Variants in WNT5B observed in about 807,000 individuals in gnomAD.
WNT5B encodes the protein protein Wnt-5b.
Under a neutral mutation model 36.5 loss-of-function variants are expected in WNT5B, and 18 were observed. The ratio of observed to expected loss-of-function variants is 0.49; its 90% CI spans 0.34 to 0.73. WNT5B has a LOEUF of 0.73. Among genes scored for constraint, WNT5B ranks in the 30% least tolerant of loss-of-function variants. The probability of loss-of-function intolerance (pLI) is 0.01; values close to 1 mark genes in which losing one functional copy is unlikely to be tolerated. For synonymous variants in WNT5B, 213 were observed against 212.3 expected (o/e 1.00, Z -0.03); for missense variants, 424 against 508.4 (o/e 0.83, Z 1.60).
At chr12:1,643,728 G>A (rs1791093588) in intron 4 of WNT5B, among the ~76,000 whole-genome samples, 1 of 145,626 alleles carries the variant, frequency 6.9e-6, no homozygotes, top group African/African-American at 2.5e-5. Context: ...AGCAGTCTGG[G>A]CTGAAAATCG....
At position 1,618,292 on chromosome 12, in the gene WNT5B, C is replaced by T. The variant is rs1481651217; in HGVS notation, c.-58+1149C>T. Reference sequence around the variant, plus strand: ...CAAGACACATTTTTATTCTAATTAGCGCATGGCATAGAGAGAGGTTATCCA... The same window carrying T: ...CAAGACACATTTTTATTCTAATTAGTGCATGGCATAGAGAGAGGTTATCCA... On this transcript the variant is annotated intron_variant, in intron 1 of 4. Transcript: ENST00000310594. This position sits in a 1 kb window ranked among gnomAD's most constrained non-coding sequence, Gnocchi z 4.1. Among the ~76,000 whole-genome samples, 4 of 152,164 alleles carry T rather than the reference C, an allele frequency of 2.6e-5. No homozygotes were observed. Among genetic ancestry groups the T allele is most frequent in the Admixed American group, 1.3e-4 (2 of 15,274 alleles).
At chr12:1,623,524 C>T (rs2094537233) in intron 1 of WNT5B, among the ~76,000 whole-genome samples, 1 of 151,984 alleles carries the variant, frequency 6.6e-6, no homozygotes, top group Non-Finnish European at 1.5e-5. Flanking sequence ...AAAGAAGTCA[C>T]ATGGTCAAAT....
At chr12:1,631,950 G>T (rs2094551732) in intron 2 of WNT5B, among the ~76,000 whole-genome samples, 1 of 152,094 alleles carries the variant, frequency 6.6e-6, no homozygotes. Flanking sequence ...TCTGCCACTA[G>T]CATTTTTACT....
In WNT5B at chr12:1,644,038, C is replaced by T. The variant is rs556315125; in HGVS notation, c.622-1756C>T. ...TTTGCCCCTGCAAGAGATGCTTATCCGTGCTCCGAGTTGCTAAGTGGCAAA... is the reference window on the plus strand; with the variant it reads ...TTTGCCCCTGCAAGAGATGCTTATCTGTGCTCCGAGTTGCTAAGTGGCAAA... On this transcript the variant is annotated intron_variant, in intron 4 of 4. Transcript: ENST00000397196. The surrounding 1 kb of genome is among the most constrained non-coding windows in gnomAD (Gnocchi z 5.1). Among the ~76,000 whole-genome samples, 10 of 152,246 alleles carry T rather than the reference C, an allele frequency of 6.6e-5. No homozygotes were observed. Among genetic ancestry groups the T allele is most frequent in the African/African-American group, 1.9e-4 (8 of 41,538 alleles).
At position 1,643,427 on chromosome 12, in the gene WNT5B, C is replaced by T. The variant is rs756412795; in HGVS notation, c.622-2367C>T. 3.9e-5 allele frequency among the ~76,000 whole-genome samples: 6 copies of T among 152,022 alleles called. No individual in the cohort carries two copies. The East Asian group carries it at 5.8e-4, about 15-fold the overall frequency. ...TTGCCCAGGCTGGAGTGCAATGGCG[C>T]GATCTCGGCTCACTGCAAACCTCTG... On this transcript the variant is annotated intron_variant, in intron 4 of 4. Transcript: ENST00000397196.
chr12:1,631,239 C>T, intron 1 of WNT5B, 59 bp from the exon 2 acceptor site: 7 of 1,477,708 alleles, frequency 4.7e-6, no homozygotes, highest in South Asian at 2.6e-5. Context: ...CACCCCGGCT[C>T]CTGGTCTGCC....
chr12:1,639,982 C>A lies in WNT5B; in HGVS notation c.621+6C>A. ...ACAACGAGGCCGGTCGCAGGGTAAG[C>A]TGGGCCTCCCCGGCCTCCCCAGCAC... On this transcript the variant is annotated splice_donor_region_variant and intron_variant, in intron 4 of 4. Coordinates refer to ENST00000397196, the MANE Select transcript of WNT5B (RefSeq NM_032642.3). 1.2e-6 allele frequency: 2 copies of A among 1,607,892 alleles called. No individual in the cohort carries two copies. The highest frequency in any genetic ancestry group is 2.2e-5 in the South Asian group (2 of 90,186).
rs2094578191 is a variant in WNT5B at position 1,642,902 on chromosome 12, C to T, written c.622-2892C>T. ...GCTTCAGGTTGGGAATTCCTGGCCC[C>T]CTTTATTTTTTATCCTCTCTCCAAG... On this transcript the variant is annotated intron_variant, in intron 4 of 4. Transcript: ENST00000397196. Among the ~76,000 whole-genome samples the T allele has an allele frequency of 2.6e-5, 4 of 152,176 alleles. 1 individual carries two copies. Among genetic ancestry groups the T allele is most frequent in the South Asian group, 4.1e-4 (2 of 4,820 alleles).
Position 1,645,992 on chromosome 12 carries a change from AC to A in WNT5B, c.824del (p.Pro275ArgfsTer109). The A allele has an allele frequency of 1.2e-6, 2 of 1,611,554 alleles. No individual in the cohort carries two copies. Among genetic ancestry groups the A allele is most frequent in the Middle Eastern group, 3.3e-4 (2 of 6,062 alleles). ...GGTCAACAGCCGCTTCACCCAGCCC[AC>A]CCCGGAGGACCTGGTCTATGTGGAC... ...ELVNSRFTQP[T>X]PEDLVYVDPS... On this transcript the variant is annotated frameshift_variant, in exon 5 of 5. Transcript: ENST00000397196. LOFTEE classifies it high-confidence loss of function.
At position 1,641,449 on chromosome 12, in the gene WNT5B, C is replaced by T. The variant is rs1420900814; in HGVS notation, c.621+1473C>T. On this transcript the variant is annotated intron_variant, in intron 4 of 4. Transcript: ENST00000397196. ...GTTTAACGGTGGCACCCTGGTGATTCAGTAACAGGATATGAATATAAGCCT... is the reference window on the plus strand; with the variant it reads ...GTTTAACGGTGGCACCCTGGTGATTTAGTAACAGGATATGAATATAAGCCT... 3.3e-5 allele frequency among the ~76,000 whole-genome samples: 5 copies of T among 151,110 alleles called. 1 individual carries two copies.
At chr12:1,625,900 T>C (rs1370585463), upstream of WNT5B, among the ~76,000 whole-genome samples, 1 of 152,046 alleles carries the variant, frequency 6.6e-6, no homozygotes, top group South Asian at 2.1e-4. Context: ...TGACCTCAAG[T>C]GATCCACCTG....
At chr12:1,625,210 G>A (rs965653104), upstream of WNT5B, among the ~76,000 whole-genome samples, 1 of 152,120 alleles carries the variant, frequency 6.6e-6, no homozygotes, top group Non-Finnish European at 1.5e-5. Context: ...TTTTCAAATA[G>A]GGGAATATTA....
At chr12:1,629,148 A>G (rs1255360910), upstream of WNT5B, 1 of 152,104 alleles carries the variant, frequency 6.6e-6, no homozygotes, top group East Asian at 1.9e-4. Flanking sequence ...TTGTCTCCAT[A>G]TATGTTTATA....
At position 1,639,138 on chromosome 12, in the gene WNT5B, T is replaced by G. The variant is rs563153217; in HGVS notation, c.329-546T>G. 3.1e-4 allele frequency among the ~76,000 whole-genome samples: 47 copies of G among 150,004 alleles called. 1 individual carries two copies. Among genetic ancestry groups the G allele is most frequent in the East Asian group, 1.8e-3 (9 of 5,084 alleles). On this transcript the variant is annotated intron_variant, in intron 3 of 4. Coordinates refer to ENST00000397196, the MANE Select transcript of WNT5B (RefSeq NM_032642.3). ...GACCGGAGGGACTTGTTTTTTTGTG[T>G]TTTTTTTTCTTTTTTTTGAGACAGA... is the stretch of plus-strand genomic sequence containing the variant.
At chr12:1,623,915 G>C (rs1043827685) in intron 1 of WNT5B, among the ~76,000 whole-genome samples, 2 of 152,186 alleles carry the variant, frequency 1.3e-5, no homozygotes, top group Admixed American at 1.3e-4. Flanking sequence ...TTGGCTAGGG[G>C]AGAAGTCTAG....
upstream of WNT5B, among the ~76,000 whole-genome samples, chr12:1,625,058 A>C (rs2094539238): frequency 6.6e-6 from 1 of 152,136 alleles, no homozygotes; most frequent in African/African-American, 2.4e-5. Flanking sequence ...GAGGATCAGA[A>C]TGAGGTCTTG....
At chr12:1,626,645 C>T (rs548830797), upstream of WNT5B, among the ~76,000 whole-genome samples, 26 of 151,286 alleles carry the variant, frequency 1.7e-4, no homozygotes, top group Non-Finnish European at 3.5e-4. Flanking sequence ...ACCCACTGCA[C>T]GCTCCGCCTC....
At chr12:1,624,505 G>A (rs979213286), upstream of WNT5B, among the ~76,000 whole-genome samples, 1 of 151,934 alleles carries the variant, frequency 6.6e-6, no homozygotes, top group Non-Finnish European at 1.5e-5. Context: ...TTCAATTGCT[G>A]TATGAACAAG....
In WNT5B at chr12:1,635,342, A is replaced by G. The variant is rs147390807; in HGVS notation, c.328+2437A>G. ...TGAAAAGCATGTTTGCTAAAGAATG[A>G]TAGAAATAAATCAGACATATGTAGC... On this transcript the variant is annotated intron_variant, in intron 3 of 4. Coordinates refer to ENST00000397196, the MANE Select transcript of WNT5B (RefSeq NM_032642.3). Among the ~76,000 whole-genome samples, 642 of 152,376 alleles carry G rather than the reference A, an allele frequency of 4.2e-3. 12 individuals are homozygous for G. Among genetic ancestry groups the G allele is most frequent in the African/African-American group, 0.015 (614 of 41,588 alleles).
Sources: allele counts gnomAD v4.1 joint callset (sites outside exome capture counted in the v4.1 genomes callset), GRCh38; gene constraint gnomAD v4.1.1; non-coding constraint Gnocchi (gnomAD v3.1); transcripts MANE v1.5; gene names NCBI Gene and HGNC (gene_info 2026-07-23, HGNC 2026-07-21).